Variants in PTP4A2 observed in about 807,000 individuals in gnomAD.
PTP4A2 encodes the protein protein tyrosine phosphatase type IVA 2.
Under a neutral mutation model 22.9 loss-of-function variants are expected in PTP4A2, and 2 were observed. The observed-to-expected ratio is 0.09, with a 90% confidence interval of 0.04 to 0.27. The LOEUF is 0.27. Ranked by LOEUF, PTP4A2 falls within the 10% of genes least tolerant of loss-of-function variation. The probability of loss-of-function intolerance (pLI) is 1.00; values close to 1 mark genes in which losing one functional copy is unlikely to be tolerated. For missense variants in PTP4A2, 103 were observed against 205.1 expected, an observed-to-expected ratio of 0.50 and a Z score of 3.04; for synonymous variants, 68 against 69.1, an observed-to-expected ratio of 0.98 and a Z score of 0.08.
At chr1:31,924,055 C>T (rs1042529529) in intron 1 of PTP4A2, 1 of 152,142 alleles carries the variant, frequency 6.6e-6, no homozygotes, top group Non-Finnish European at 1.5e-5. Context: ...GTTATCACTG[C>T]AAATGTGTGT....
At chr1:31,934,233 G>C (rs1203392562) in intron 1 of PTP4A2, among the ~76,000 whole-genome samples, 1 of 152,036 alleles carries the variant, frequency 6.6e-6, no homozygotes, top group Non-Finnish European at 1.5e-5. Flanking sequence ...ACTCCAGCCT[G>C]GGCAACAAGG....
At chr1:31,922,637 T>TCTTTCTTTC (rs1553211660) in intron 1 of PTP4A2, among the ~76,000 whole-genome samples, 5 of 145,860 alleles carry the variant, frequency 3.4e-5, no homozygotes, top group African/African-American at 7.9e-5. Flanking sequence ...TTTCTTTCTT[T>TCTTTCTTTC]TATTTATTTT....
chr1:31,910,676 A>T (rs1367645639), intron 4 of PTP4A2: 2 of 152,238 alleles, frequency 1.3e-5, no homozygotes, highest in Non-Finnish European at 2.9e-5. Flanking sequence ...TATATATTAA[A>T]TTCTCTCATC....
chr1:31,911,651 T>G (rs770948660), intron 4 of PTP4A2, 45 bp downstream of exon 4: 26 of 1,498,524 alleles, frequency 1.7e-5, no homozygotes, highest in Non-Finnish European at 1.8e-6. Flanking sequence ...AACTTAGGCA[T>G]GGTAATGAAT....
chr1:31,930,903 T>C lies in PTP4A2; in HGVS notation c.-594+7084A>G, dbSNP rs139000902. 1.4e-4 allele frequency: 21 copies of C among 152,344 alleles called. No homozygotes were observed. In the East Asian group the frequency reaches 4.0e-3, roughly 29 times the overall value. The allele number at this position is 152,344 out of a possible 1,614,324, so 9.4% of individuals were successfully genotyped here. On this transcript the variant is annotated intron_variant, in intron 1 of 5. Coordinates refer to ENST00000647444, the MANE Select transcript of PTP4A2 (RefSeq NM_080391.4). ...TAAAAATGGTGAAATAACTCTATAATGCCATGTCAAGAAGTTATTCTTTAC... is the reference window on the plus strand; with the variant it reads ...TAAAAATGGTGAAATAACTCTATAACGCCATGTCAAGAAGTTATTCTTTAC...
chr1:31,927,406 T>G (rs10914503), intron 1 of PTP4A2, among the ~76,000 whole-genome samples: 311 of 152,276 alleles, frequency 2.0e-3, no homozygotes, highest in African/African-American at 7.1e-3. Flanking sequence ...TCAGGTACTA[T>G]GCTTGCTAAC....
intron 2 of PTP4A2, among the ~76,000 whole-genome samples, chr1:31,917,297 C>T (rs932363079): frequency 6.6e-6 from 1 of 152,158 alleles, no homozygotes; most frequent in Non-Finnish European, 1.5e-5. Context: ...AATAAGCAGG[C>T]ACAGTGATAT....
intron 5 of PTP4A2, 76 bp from the exon 6 acceptor site, chr1:31,909,036 C>T: frequency 9.6e-7 from 1 of 1,041,548 alleles, no homozygotes; most frequent in Non-Finnish European, 1.5e-6. Flanking sequence ...TTATTTACAT[C>T]CTAAAGCCTT....
intron 4 of PTP4A2, 94 bp from the exon 5 acceptor site, chr1:31,910,206 A>C (rs1458440872): frequency 1.1e-6 from 1 of 901,306 alleles, no homozygotes; most frequent in African/African-American, 1.7e-5. Context: ...GCAACGCATG[A>C]GCTTTCTTTT....
chr1:31,914,040 G>A, intron 3 of PTP4A2: 1 of 381,696 alleles, frequency 2.6e-6, no homozygotes, highest in Non-Finnish European at 5.2e-6. Context: ...TTGACTGCAA[G>A]CAAATTATTA....
In PTP4A2 at chr1:31,908,751, A is replaced by C. The variant is rs1277067330; in HGVS notation, c.*101T>G. 1.2e-6 allele frequency: 1 copy of C among 804,728 alleles called. No homozygotes were observed. Among genetic ancestry groups the C allele is most frequent in the Non-Finnish European group, 2.1e-6 (1 of 473,750 alleles). The allele number at this position is 804,728 out of a possible 1,614,324, so 49.8% of individuals were successfully genotyped here. A position where few individuals can be genotyped will look rare whatever the true frequency, so the allele number is the denominator to read the frequency against. ...GTGGTTGAGGAGTACTGAATCCATC[A>C]CTACTTTGATGACACAGGTAATATT... On this transcript the variant is annotated 3_prime_UTR_variant, in exon 6 of 6. Coordinates refer to ENST00000647444, the MANE Select transcript of PTP4A2 (RefSeq NM_080391.4).
At chr1:31,916,339 C>T (rs182013081) in intron 2 of PTP4A2, among the ~76,000 whole-genome samples, 171 of 111,842 alleles carry the variant, frequency 1.5e-3, no homozygotes, top group African/African-American at 5.8e-3. Flanking sequence ...AGCGAGACTC[C>T]GTCTCCAAAA....
Position 31,937,976 on chromosome 1 carries a change from G to A in PTP4A2, c.-594+11C>T, listed in dbSNP as rs1406118269. On this transcript the variant is annotated intron_variant, in intron 1 of 5. Coordinates refer to ENST00000647444, the MANE Select transcript of PTP4A2 (RefSeq NM_080391.4). ...GCCGGCGCGGGGGCCGCCCGGGAGG[G>A]GCGCACTCACGCTGGCGAGCTGGGG... The A allele has an allele frequency of 1.3e-5, 2 of 152,400 alleles. No individual in the cohort carries two copies. Among genetic ancestry groups the A allele is most frequent in the African/African-American group, 2.4e-5 (1 of 41,226 alleles). 9.4% of individuals were successfully genotyped at this position (152,400 alleles called of 1,614,324 possible).
At position 31,906,516 on chromosome 1, in the gene PTP4A2, A is replaced by C. The variant is rs368778307; in HGVS notation, c.*2336T>G. 1.3e-5 allele frequency: 2 copies of C among 152,164 alleles called. No individual in the cohort carries two copies. The highest frequency in any genetic ancestry group is 2.4e-5 in the African/African-American group (1 of 41,424). 9.4% of individuals were successfully genotyped at this position (152,164 alleles called of 1,614,324 possible). ...TTTCAAATCAATCTGACATCTCTCT[A>C]TGTCAAACTGGCTTCAGCTAGCAAT... is the stretch of plus-strand genomic sequence containing the variant. On this transcript the variant is annotated 3_prime_UTR_variant, in exon 6 of 6. Coordinates refer to ENST00000647444, the MANE Select transcript of PTP4A2 (RefSeq NM_080391.4).
intron 1 of PTP4A2, chr1:31,935,801 T>C (rs1203632080): frequency 6.6e-6 from 1 of 152,188 alleles, no homozygotes; most frequent in Non-Finnish European, 1.5e-5. Flanking sequence ...CTTCCCTCAC[T>C]GAATAGTAAC....
rs1652022907 is a variant in PTP4A2 at position 31,919,342 on chromosome 1, A to G, written c.-277T>C. On this transcript the variant is annotated 5_prime_UTR_variant, in exon 2 of 6. An upstream start codon of the reference 5' UTR is lost. Transcript: ENST00000647444. Reference sequence around the variant, plus strand: ...TTCGGACTCCAAAAAATCCAACTACATACAAAACTTAAGCAGCCTTTACTA... The same window carrying G: ...TTCGGACTCCAAAAAATCCAACTACGTACAAAACTTAAGCAGCCTTTACTA... 3 of 214,702 alleles carry G rather than the reference A, an allele frequency of 1.4e-5. No individual in the cohort carries two copies. Among genetic ancestry groups the G allele is most frequent in the African/African-American group, 2.3e-5 (1 of 42,810 alleles). 13.3% of individuals were successfully genotyped at this position (214,702 alleles called of 1,614,324 possible).
intron 1 of PTP4A2, among the ~76,000 whole-genome samples, chr1:31,928,569 G>T (rs1044971086): frequency 1.3e-5 from 2 of 151,802 alleles, no homozygotes; most frequent in South Asian, 4.2e-4. Flanking sequence ...GTATTGTGGC[G>T]CATGGCTGTA....
chr1:31,913,469 A>T (rs1651651538), intron 3 of PTP4A2, among the ~76,000 whole-genome samples: 1 of 152,160 alleles, frequency 6.6e-6, no homozygotes, highest in South Asian at 2.1e-4. Flanking sequence ...TTCTACTTTT[A>T]GTTCTTTAAG....
intron 3 of PTP4A2, chr1:31,913,059 CTCATA>C (rs1193364788): frequency 2.2e-6 from 1 of 451,294 alleles, no homozygotes; most frequent in African/African-American, 2.0e-5. Context: ...GCTTCACTTA[CTCATA>C]TAAGTAGTGT....
Sources: gnomAD v4.1 joint callset for allele counts (sites outside exome capture counted in the v4.1 genomes callset) on GRCh38, gnomAD v4.1.1 for gene constraint, MANE v1.5 for transcripts, NCBI Gene and HGNC (gene_info 2026-07-23, HGNC 2026-07-21) for gene names.